GALNTL6: variants seen among roughly 807,000 people sequenced by gnomAD.
GALNTL6 encodes the protein polypeptide N-acetylgalactosaminyltransferase like 6.
Under a neutral mutation model 73.7 loss-of-function variants are expected in GALNTL6, and 46 were observed. The observed-to-expected ratio is 0.62, with a 90% CI of 0.49 to 0.80. The LOEUF (loss-of-function observed/expected upper bound fraction) is 0.80. Ranked by LOEUF, GALNTL6 falls within the 30% of genes least tolerant of loss-of-function variation. The pLI is 0.00. For missense variants in GALNTL6, 604 were observed against 755.0 expected (o/e 0.80, Z 2.34); for synonymous variants, 259 against 263.7 (o/e 0.98, Z 0.17).
chr4:172,204,220 T>C (rs1380133612), intron 2 of GALNTL6, among the ~76,000 whole-genome samples: 1 of 152,184 alleles, frequency 6.6e-6, no homozygotes, highest in African/African-American at 2.4e-5. Flanking sequence ...AAAATCAAAA[T>C]AAGAGAATAC....
chr4:172,091,021 T>C (rs903781580), intron 2 of GALNTL6, among the ~76,000 whole-genome samples: 1 of 152,106 alleles, frequency 6.6e-6, no homozygotes, highest in African/African-American at 2.4e-5. Context: ...TGGTGTAATT[T>C]TGAGGCTTCT....
intron 3 of GALNTL6, among the ~76,000 whole-genome samples, chr4:172,289,792 G>A (rs761532812): frequency 2.0e-5 from 3 of 152,184 alleles, no homozygotes; most frequent in African/African-American, 4.8e-5. Context: ...AGCTCAGTAA[G>A]TGAGTAGTAT....
chr4:172,968,780 C>A (rs1726377421), intron 10 of GALNTL6, among the ~76,000 whole-genome samples: 1 of 152,066 alleles, frequency 6.6e-6, no homozygotes, highest in African/African-American at 2.4e-5. Flanking sequence ...TATAAAAAGG[C>A]CATTTTTTTA....
chr4:172,176,505 A>G (rs1343231798), intron 2 of GALNTL6, among the ~76,000 whole-genome samples: 3 of 152,076 alleles, frequency 2.0e-5, no homozygotes, highest in South Asian at 2.1e-4. Context: ...ATTTGGGGAC[A>G]GTAAGGAACC....
At chr4:171,966,695 G>A (rs1470063875) in intron 2 of GALNTL6, among the ~76,000 whole-genome samples, 1 of 152,058 alleles carries the variant, frequency 6.6e-6, no homozygotes, top group Admixed American at 6.6e-5. Context: ...TGAATTTGGG[G>A]GTTTTATCTT....
chr4:172,293,589 T>C (rs1467466618), intron 3 of GALNTL6, among the ~76,000 whole-genome samples: 2 of 152,120 alleles, frequency 1.3e-5, no homozygotes, highest in Non-Finnish European at 2.9e-5. Flanking sequence ...ACACCAGCAC[T>C]GACCTCTGTT....
intron 5 of GALNTL6, among the ~76,000 whole-genome samples, chr4:172,756,956 T>A (rs1456201829): frequency 1.3e-5 from 2 of 152,234 alleles, no homozygotes; most frequent in African/African-American, 2.4e-5. Context: ...TGATCTTTTT[T>A]AAGATATTGC....
At chr4:172,935,186 G>A (rs1748545164) in intron 9 of GALNTL6, among the ~76,000 whole-genome samples, 1 of 152,178 alleles carries the variant, frequency 6.6e-6, no homozygotes, top group African/African-American at 2.4e-5. Flanking sequence ...GACTGTGAGT[G>A]GGGCAGTCCT....
At chr4:172,793,852 A>G (rs545985253) in intron 5 of GALNTL6, among the ~76,000 whole-genome samples, 2 of 152,342 alleles carry the variant, frequency 1.3e-5, no homozygotes, top group Admixed American at 6.5e-5. Flanking sequence ...ACAATGATCT[A>G]TATTTTTGTA....
chr4:172,529,741 A>G (rs568137158), intron 5 of GALNTL6, among the ~76,000 whole-genome samples: 13 of 152,020 alleles, frequency 8.6e-5, no homozygotes, highest in African/African-American at 3.1e-4. Flanking sequence ...GATGGAGTGT[A>G]ATGGTGTGAT....
intron 5 of GALNTL6, among the ~76,000 whole-genome samples, chr4:172,787,300 T>A (rs1195098410): frequency 6.6e-6 from 1 of 152,204 alleles, no homozygotes; most frequent in Non-Finnish European, 1.5e-5. Context: ...TTCCTCTTTT[T>A]CTTGTGGTTA....
At chr4:172,216,929 AG>A (rs1272476697) in intron 2 of GALNTL6, among the ~76,000 whole-genome samples, 2 of 152,042 alleles carry the variant, frequency 1.3e-5, no homozygotes, top group African/African-American at 2.4e-5. Context: ...GAAGTGGGGG[AG>A]GGGGGCTTCC....
chr4:172,138,498 TATATATATATATATA>T (rs1417633463), intron 2 of GALNTL6, among the ~76,000 whole-genome samples: 5 of 10,478 alleles, frequency 4.8e-4, no homozygotes, highest in Admixed American at 8.6e-4. Flanking sequence ...TATATATATA[TATATATATATATATA>T]TTTTTTTTTT....
chr4:172,517,338 C>A (rs955350470), intron 5 of GALNTL6, among the ~76,000 whole-genome samples: 13 of 151,956 alleles, frequency 8.6e-5, no homozygotes, highest in Admixed American at 8.5e-4. Flanking sequence ...ATCACAAGAG[C>A]AATACAGGTT....
At chr4:172,799,540 G>T (rs1342866125) in intron 5 of GALNTL6, among the ~76,000 whole-genome samples, 1 of 152,134 alleles carries the variant, frequency 6.6e-6, no homozygotes, top group Non-Finnish European at 1.5e-5. Context: ...TTTAATAGCA[G>T]ATAGTTCTCA....
chr4:172,454,171 A>G (rs942310122), intron 5 of GALNTL6, among the ~76,000 whole-genome samples: 4 of 152,198 alleles, frequency 2.6e-5, no homozygotes, highest in African/African-American at 9.6e-5. Flanking sequence ...GGAGTCAGAA[A>G]AAGATTTACT....
intron 2 of GALNTL6, among the ~76,000 whole-genome samples, chr4:171,903,639 A>T (rs904011054): frequency 2.8e-5 from 4 of 144,394 alleles, no homozygotes; most frequent in African/African-American, 1.1e-4. Context: ...GGTGGAGCCC[A>T]CCACAGCTCA....
chr4:172,449,787 T>C lies in GALNTL6; in HGVS notation c.553+101098T>C, dbSNP rs1732145900. On this transcript the variant is annotated intron_variant, in intron 5 of 12. Coordinates refer to ENST00000506823, the MANE Select transcript of GALNTL6 (RefSeq NM_001034845.3). ...TAGATGCTGTGCTTACACAGATGACTCTTGAACTAATGTCTTTCACCCAGA... is the reference window on the plus strand; with the variant it reads ...TAGATGCTGTGCTTACACAGATGACCCTTGAACTAATGTCTTTCACCCAGA... 2.0e-5 allele frequency among the ~76,000 whole-genome samples: 3 copies of C among 152,212 alleles called. No individual in the cohort carries two copies. In the South Asian group the frequency reaches 6.2e-4, roughly 31 times the overall value.
intron 10 of GALNTL6, among the ~76,000 whole-genome samples, chr4:172,988,876 G>T (rs555419587): frequency 2.6e-5 from 4 of 152,356 alleles, no homozygotes; most frequent in Admixed American, 2.6e-4. Flanking sequence ...AAGAGTTCAG[G>T]CTTGGGAGCC....
Sources: allele counts gnomAD v4.1 joint callset (sites outside exome capture counted in the v4.1 genomes callset), GRCh38; gene constraint gnomAD v4.1.1; transcripts MANE v1.5; gene names NCBI Gene and HGNC (gene_info 2026-07-23, HGNC 2026-07-21).